LRRC7: variants seen among roughly 807,000 people sequenced by gnomAD.
LRRC7 encodes leucine-rich repeat-containing protein 7.
LRRC7 carries 23 observed loss-of-function variants against 175.7 expected under a neutral mutation model. The observed-to-expected ratio is 0.13, with a 90% CI of 0.09 to 0.19. The LOEUF (loss-of-function observed/expected upper bound fraction) is 0.19. LRRC7 is among the 10% of genes least tolerant of loss of function. The probability of loss-of-function intolerance (pLI) is 1.00; values close to 1 mark genes in which losing one functional copy is unlikely to be tolerated. For synonymous variants in LRRC7, 685 were observed against 680.9 expected (o/e 1.01, Z -0.09); for missense variants, 1,354 against 1,904.7 (o/e 0.71, Z 5.38).
Position 69,779,005 on chromosome 1 carries a change from TAC to T in LRRC7, c.304-13028_304-13027del, listed in dbSNP as rs1332135233. 5.9e-5 allele frequency among the ~76,000 whole-genome samples: 8 copies of T among 136,604 alleles called. No homozygotes were observed. The South Asian group carries it at 1.6e-3, about 27-fold the overall frequency. 89.6% of individuals were successfully genotyped at this position (136,604 alleles called of 152,430 possible). ...ACACACTCATATATATACACATATA[TAC>T]ACACACACAAACATATATATATATA... On this transcript the variant is annotated intron_variant, in intron 3 of 26. Coordinates refer to ENST00000651989, the MANE Select transcript of LRRC7 (RefSeq NM_001370785.2).
intron 24 of LRRC7, among the ~76,000 whole-genome samples, chr1:70,084,370 T>C (rs1663446237): frequency 6.6e-6 from 1 of 152,202 alleles, no homozygotes; most frequent in Admixed American, 6.5e-5. Flanking sequence ...TGTCTCTATA[T>C]ATTTGCCTAT....
chr1:69,925,153 C>G (rs1297212954), intron 7 of LRRC7, among the ~76,000 whole-genome samples: 1 of 152,148 alleles, frequency 6.6e-6, no homozygotes, highest in Non-Finnish European at 1.5e-5. Flanking sequence ...ATGAAGCCCA[C>G]TTGATCATGG....
chr1:69,697,468 G>T (rs1017933748), intron 2 of LRRC7, among the ~76,000 whole-genome samples: 5 of 152,294 alleles, frequency 3.3e-5, no homozygotes, highest in Admixed American at 2.6e-4. Context: ...ACCCCGCTGT[G>T]GGCAAAACCA....
rs201510310 is a variant in LRRC7 at position 70,073,451 on chromosome 1, TA to T, written c.4231-2621del. Among the ~76,000 whole-genome samples, 43 of 152,186 alleles carry T rather than the reference TA, an allele frequency of 2.8e-4. 1 individual carries two copies. The East Asian group carries it at 8.3e-3, about 29-fold the overall frequency. ...GGGCGACAGAGTAAGACTCTGTCTCTAAAAATAAAAATTAAAACTCAATTCA... is the reference window on the plus strand; with the variant it reads ...GGGCGACAGAGTAAGACTCTGTCTCTAAAATAAAAATTAAAACTCAATTCA... On this transcript the variant is annotated intron_variant, in intron 23 of 26. Transcript: ENST00000651989.
intron 1 of LRRC7, among the ~76,000 whole-genome samples, chr1:69,627,475 C>T (rs574110703): frequency 3.3e-5 from 5 of 152,206 alleles, no homozygotes; most frequent in African/African-American, 1.2e-4. Flanking sequence ...TTGATATTAG[C>T]CCTTTGTCAG....
At chr1:70,047,042 A>G (rs1660383820) in intron 22 of LRRC7, among the ~76,000 whole-genome samples, 1 of 152,144 alleles carries the variant, frequency 6.6e-6, no homozygotes, top group Non-Finnish European at 1.5e-5. Flanking sequence ...TTTCTACTTA[A>G]GATAGTAAAA....
intron 9 of LRRC7, among the ~76,000 whole-genome samples, chr1:69,984,228 T>C (rs1413626895): frequency 6.6e-6 from 1 of 152,120 alleles, no homozygotes; most frequent in East Asian, 1.9e-4. Flanking sequence ...CCAGCAGAGA[T>C]TATACATTTC....
intron 3 of LRRC7, among the ~76,000 whole-genome samples, chr1:69,765,346 G>A (rs1295053093): frequency 1.3e-5 from 2 of 152,098 alleles, no homozygotes; most frequent in Non-Finnish European, 1.5e-5. Context: ...CAGAATCTCA[G>A]TGGATAACTG....
intron 12 of LRRC7, 103 bp from the exon 13 acceptor site, chr1:70,012,870 TA>T: frequency 1.9e-6 from 1 of 516,968 alleles, no homozygotes; most frequent in Non-Finnish European, 3.2e-6. Flanking sequence ...TGTTAAAAGT[TA>T]AAAATAAGAA....
At position 69,825,832 on chromosome 1, in the gene LRRC7, T is replaced by C; in HGVS notation, c.500+6T>C. On this transcript the variant is annotated splice_donor_region_variant and intron_variant, in intron 5 of 26. Coordinates refer to ENST00000651989, the MANE Select transcript of LRRC7 (RefSeq NM_001370785.2). ...AGTGTCAATCCCATTTCTAAGTGAGTATGAGTGATTAAATTTTATTTGTAT... is the reference window on the plus strand; with the variant it reads ...AGTGTCAATCCCATTTCTAAGTGAGCATGAGTGATTAAATTTTATTTGTAT... 6.5e-7 allele frequency: 1 copy of C among 1,545,442 alleles called. No homozygotes were observed. The highest frequency in any genetic ancestry group is 1.2e-5 in the South Asian group (1 of 84,646).
At chr1:69,827,915 C>T (rs1166740116) in intron 5 of LRRC7, among the ~76,000 whole-genome samples, 1 of 152,124 alleles carries the variant, frequency 6.6e-6, no homozygotes, top group East Asian at 1.9e-4. Flanking sequence ...GTGACCATCT[C>T]CATAGTCAAG....
intron 2 of LRRC7, among the ~76,000 whole-genome samples, chr1:69,706,210 C>G (rs1664022363): frequency 6.6e-6 from 1 of 152,004 alleles, no homozygotes; most frequent in Non-Finnish European, 1.5e-5. Context: ...CTTTTGTTTC[C>G]AGCTTCAACT....
At chr1:69,911,171 C>T (rs140920185) in intron 7 of LRRC7, among the ~76,000 whole-genome samples, 2 of 151,816 alleles carry the variant, frequency 1.3e-5, no homozygotes, top group African/African-American at 4.9e-5. Flanking sequence ...ATGCCTTGCC[C>T]TGCTTCGGCT....
In LRRC7 at chr1:69,904,609, ATTTT is replaced by A. The variant is rs770199395; in HGVS notation, c.648-26897_648-26894del. Among the ~76,000 whole-genome samples, 138 of 152,052 alleles carry A rather than the reference ATTTT, an allele frequency of 9.1e-4. 1 individual carries two copies. The highest frequency in any genetic ancestry group is 1.6e-3 in the Admixed American group (24 of 15,262). Reference sequence around the variant, plus strand: ...AAATTATGCAAATATATTGCTATATATTTTCTATTTCTTTTTAACTTATTTAAAT... The same window carrying A: ...AAATTATGCAAATATATTGCTATATACTATTTCTTTTTAACTTATTTAAAT... On this transcript the variant is annotated intron_variant, in intron 7 of 26. Coordinates refer to ENST00000651989, the MANE Select transcript of LRRC7 (RefSeq NM_001370785.2).
At chr1:69,658,001 C>A (rs1162507026) in intron 1 of LRRC7, among the ~76,000 whole-genome samples, 5 of 151,730 alleles carry the variant, frequency 3.3e-5, no homozygotes, top group African/African-American at 1.2e-4. Flanking sequence ...TTTTTCAATT[C>A]ATCATTTTTA....
chr1:69,761,700 T>C (rs903033642), intron 3 of LRRC7, among the ~76,000 whole-genome samples: 8 of 152,042 alleles, frequency 5.3e-5, no homozygotes, highest in South Asian at 4.2e-4. Flanking sequence ...AAATAGACTG[T>C]CTGTTGTACC....
At chr1:70,111,305 G>A (rs1165144130) in intron 26 of LRRC7, among the ~76,000 whole-genome samples, 2 of 152,010 alleles carry the variant, frequency 1.3e-5, no homozygotes, top group Non-Finnish European at 2.9e-5. Context: ...GTGCAATAAG[G>A]GATGATGTTA....
intron 8 of LRRC7, among the ~76,000 whole-genome samples, chr1:69,935,996 G>C (rs926716618): frequency 1.1e-4 from 16 of 152,104 alleles, no homozygotes; most frequent in African/African-American, 2.9e-4. Context: ...TTTATACTGT[G>C]TACTGTGTAT....
chr1:69,821,788 G>A (rs940706002), intron 4 of LRRC7, among the ~76,000 whole-genome samples: 9 of 152,088 alleles, frequency 5.9e-5, no homozygotes, highest in East Asian at 3.9e-4. Flanking sequence ...CCAGCTACTC[G>A]GGAGGCTGAG....
Sources: gnomAD v4.1 joint callset for allele counts (sites outside exome capture counted in the v4.1 genomes callset) on GRCh38, gnomAD v4.1.1 for gene constraint, MANE v1.5 for transcripts, NCBI Gene and HGNC (gene_info 2026-07-23, HGNC 2026-07-21) for gene names.